The following EXOC4 variants were observed in gnomAD, a reference collection of about 807,000 sequenced individuals.
The protein encoded by EXOC4 is exocyst complex component 4.
Under a neutral mutation model 107.2 loss-of-function variants are expected in EXOC4, and 71 were observed. That is an observed-to-expected ratio of 0.66 (90% CI 0.55 to 0.81). The LOEUF is 0.81. Among genes scored for constraint, EXOC4 ranks in the 30% least tolerant of loss-of-function variants. EXOC4 has a pLI of 0.00. For missense variants in EXOC4, 1,108 were observed against 1,189.6 expected (o/e 0.93, Z 1.01); for synonymous variants, 456 against 441.2 (o/e 1.03, Z -0.42).
intron 10 of EXOC4, among the ~76,000 whole-genome samples, chr7:133,700,134 T>G (rs1794625397): frequency 6.6e-6 from 1 of 152,142 alleles, no homozygotes; most frequent in Admixed American, 6.5e-5. Flanking sequence ...GGGAAATGGA[T>G]TTTGGAAAAA....
intron 14 of EXOC4, among the ~76,000 whole-genome samples, chr7:133,943,994 T>A (rs528186847): frequency 8.6e-4 from 131 of 152,302 alleles, no homozygotes; most frequent in African/African-American, 3.1e-3. Flanking sequence ...AAAAATTTTG[T>A]TGTATAATAT....
chr7:133,873,749 T>C (rs1798794868), intron 11 of EXOC4, among the ~76,000 whole-genome samples: 1 of 152,248 alleles, frequency 6.6e-6, no homozygotes, highest in South Asian at 2.1e-4. Flanking sequence ...AAAACTATCG[T>C]ACATTCTAAG....
chr7:133,818,587 G>A (rs1391932163), intron 11 of EXOC4, among the ~76,000 whole-genome samples: 1 of 152,132 alleles, frequency 6.6e-6, no homozygotes, highest in African/African-American at 2.4e-5. Context: ...CATTTGGATG[G>A]TCTGGGTCTC....
At chr7:133,791,548 TAAAG>T (rs1399035129) in intron 10 of EXOC4, among the ~76,000 whole-genome samples, 4 of 152,336 alleles carry the variant, frequency 2.6e-5, no homozygotes, top group South Asian at 4.1e-4. Flanking sequence ...TTAATTTTCT[TAAAG>T]AAGAAATCCA....
chr7:133,630,021 T>A, intron 9 of EXOC4, 24 bp from the exon 10 acceptor site: 1 of 1,555,064 alleles, frequency 6.4e-7, no homozygotes, highest in South Asian at 1.1e-5. Flanking sequence ...GAGCTAAGTC[T>A]GTTTTTTTTC....
chr7:134,014,783 CGAT>C (rs1274812489), intron 17 of EXOC4, among the ~76,000 whole-genome samples: 2 of 150,872 alleles, frequency 1.3e-5, no homozygotes, highest in Non-Finnish European at 2.9e-5. Context: ...AATTATATCT[CGAT>C]GAAGGAGTTT....
intron 15 of EXOC4, 36 bp from the exon 16 acceptor site, chr7:134,004,876 A>G (rs770943581): frequency 6.4e-7 from 1 of 1,569,218 alleles, no homozygotes; most frequent in Non-Finnish European, 8.7e-7. Context: ...GGAAGGATTT[A>G]TTATTAACTG....
intron 10 of EXOC4, among the ~76,000 whole-genome samples, chr7:133,782,306 G>A (rs978494242): frequency 6.6e-6 from 1 of 152,138 alleles, no homozygotes; most frequent in Non-Finnish European, 1.5e-5. Context: ...CTAGATACTT[G>A]GGTCTCTAGG....
intron 6 of EXOC4, among the ~76,000 whole-genome samples, chr7:133,367,390 G>A (rs567923228): frequency 6.6e-6 from 1 of 152,276 alleles, no homozygotes; most frequent in Non-Finnish European, 1.5e-5. Flanking sequence ...GCACAAGTGG[G>A]CAGTAGAAAC....
chr7:133,985,141 C>A (rs1295139284), intron 14 of EXOC4, among the ~76,000 whole-genome samples: 1 of 152,086 alleles, frequency 6.6e-6, no homozygotes, highest in African/African-American at 2.4e-5. Flanking sequence ...TCGGAGGAAG[C>A]ATTCTAAGAA....
intron 17 of EXOC4, among the ~76,000 whole-genome samples, chr7:134,055,083 T>G (rs985542606): frequency 6.6e-6 from 1 of 152,210 alleles, no homozygotes; most frequent in East Asian, 1.9e-4. Context: ...TTACATATGT[T>G]TACGCTTCTC....
At chr7:133,547,648 C>T (rs923320737) in intron 9 of EXOC4, among the ~76,000 whole-genome samples, 2 of 152,122 alleles carry the variant, frequency 1.3e-5, no homozygotes, top group African/African-American at 4.8e-5. Context: ...CAACAGTGTC[C>T]ACAGCATCTT....
chr7:133,620,968 A>T (rs1016763087), intron 9 of EXOC4, among the ~76,000 whole-genome samples: 10 of 152,192 alleles, frequency 6.6e-5, no homozygotes, highest in Admixed American at 5.9e-4. Context: ...ACCATTTAAA[A>T]ATATGCGTGG....
At chr7:133,602,077 A>G (rs990165009) in intron 9 of EXOC4, 4 of 152,184 alleles carry the variant, frequency 2.6e-5, no homozygotes, top group African/African-American at 9.7e-5. Context: ...CCTAAATGGC[A>G]GTGTATGTGT....
chr7:133,329,618 CT>C (rs1563021264), intron 5 of EXOC4, among the ~76,000 whole-genome samples: 1 of 152,160 alleles, frequency 6.6e-6, no homozygotes, highest in Non-Finnish European at 1.5e-5. Flanking sequence ...AGTGGCCATC[CT>C]TTTTGTTGAT....
chr7:134,042,810 G>T (rs1287481108), intron 17 of EXOC4, among the ~76,000 whole-genome samples: 2 of 152,226 alleles, frequency 1.3e-5, no homozygotes, highest in Non-Finnish European at 2.9e-5. Context: ...GACTGAGGTG[G>T]TGGATCACCT....
At chr7:133,981,061 G>A (rs1366123880) in intron 14 of EXOC4, among the ~76,000 whole-genome samples, 1 of 152,150 alleles carries the variant, frequency 6.6e-6, no homozygotes. Context: ...AGTAGAAATT[G>A]TCTTAGCAAG....
chr7:133,881,460 C>T (rs1798965663), intron 11 of EXOC4, among the ~76,000 whole-genome samples: 1 of 152,152 alleles, frequency 6.6e-6, no homozygotes, highest in Non-Finnish European at 1.5e-5. Context: ...TTCCTTCTCA[C>T]CTCTGTCTCT....
At chr7:133,258,197 C>T (rs10230777) in intron 1 of EXOC4, among the ~76,000 whole-genome samples, 4,975 of 152,184 alleles carry the variant, frequency 0.033, 289 homozygotes, top group African/African-American at 0.11. Flanking sequence ...TGTCTGGCAG[C>T]ATATGTGAAC....
Sources: allele counts gnomAD v4.1 joint callset (sites outside exome capture counted in the v4.1 genomes callset), GRCh38; gene constraint gnomAD v4.1.1; transcripts MANE v1.5; gene names NCBI Gene and HGNC (gene_info 2026-07-23, HGNC 2026-07-21).